Variants in KAZN observed in about 807,000 individuals in gnomAD.
KAZN encodes the protein kazrin, periplakin interacting protein.
Under a neutral mutation model 87.4 loss-of-function variants are expected in KAZN, and 40 were observed. The observed-to-expected ratio is 0.46, with a 90% CI of 0.36 to 0.60. The LOEUF is 0.60. Among genes scored for constraint, KAZN ranks in the 20% least tolerant of loss-of-function variants. The pLI is 0.00. For synonymous variants in KAZN, 466 were observed against 458.3 expected, an observed-to-expected ratio of 1.02 and a Z score of -0.22; for missense variants, 898 against 1,073.9, an observed-to-expected ratio of 0.84 and a Z score of 2.29.
At chr1:14,642,644 G>C (rs1680495119) in intron 1 of KAZN, among the ~76,000 whole-genome samples, 1 of 152,132 alleles carries the variant, frequency 6.6e-6, no homozygotes. Context: ...GATAACTATA[G>C]TTTACAATAA....
intron 2 of KAZN, among the ~76,000 whole-genome samples, chr1:14,475,397 T>A (rs17402096): frequency 0.073 from 11,039 of 152,228 alleles, 555 homozygotes; most frequent in Middle Eastern, 0.11. Flanking sequence ...AAAGGTATAA[T>A]ACCTACTGAT....
At chr1:14,931,548 T>C (rs1659825461) in intron 1 of KAZN, among the ~76,000 whole-genome samples, 1 of 152,138 alleles carries the variant, frequency 6.6e-6, no homozygotes, top group South Asian at 2.1e-4. Flanking sequence ...AAGGAGGGTC[T>C]CAGACTTCAG....
intron 1 of KAZN, among the ~76,000 whole-genome samples, chr1:13,914,532 C>T (rs1639771842): frequency 6.6e-6 from 1 of 152,178 alleles, no homozygotes; most frequent in Non-Finnish European, 1.5e-5. Context: ...GTTATACGGC[C>T]CTTATATAGC....
chr1:13,961,201 T>C (rs146268889), intron 1 of KAZN, among the ~76,000 whole-genome samples: 2 of 152,302 alleles, frequency 1.3e-5, no homozygotes, highest in East Asian at 3.9e-4. Flanking sequence ...GTGGAGTCTC[T>C]GTGTGTTGAA....
chr1:14,065,131 C>T (rs1228829028), intron 1 of KAZN, among the ~76,000 whole-genome samples: 1 of 152,178 alleles, frequency 6.6e-6, no homozygotes, highest in African/African-American at 2.4e-5. Flanking sequence ...AGACCTCTGA[C>T]AACACAACAC....
intron 2 of KAZN, among the ~76,000 whole-genome samples, chr1:14,202,625 C>A (rs1016399914): frequency 6.6e-6 from 1 of 152,132 alleles, no homozygotes; most frequent in African/African-American, 2.4e-5. Flanking sequence ...AAGATGGGAA[C>A]ATTATTATTT....
intron 2 of KAZN, among the ~76,000 whole-genome samples, chr1:14,508,282 T>C (rs12034315): frequency 0.032 from 4,875 of 152,234 alleles, 200 homozygotes; most frequent in East Asian, 0.17. Flanking sequence ...GCTCAGGTGT[T>C]CCCGAGACAG....
intron 1 of KAZN, among the ~76,000 whole-genome samples, chr1:14,051,810 A>T (rs999151387): frequency 2.0e-5 from 3 of 152,192 alleles, no homozygotes; most frequent in Non-Finnish European, 4.4e-5. Context: ...ACTTCACTCC[A>T]GCCTGGGCAA....
At chr1:14,345,013 G>A (rs1289285696) in intron 2 of KAZN, among the ~76,000 whole-genome samples, 6 of 151,720 alleles carry the variant, frequency 4.0e-5, no homozygotes, top group African/African-American at 4.8e-5. Context: ...CCGCCTCCAG[G>A]GTTCAAGCTA....
chr1:13,965,962 G>A (rs1409189507), intron 1 of KAZN, among the ~76,000 whole-genome samples: 1 of 152,120 alleles, frequency 6.6e-6, no homozygotes, highest in African/African-American at 2.4e-5. Context: ...GATTTACATG[G>A]TTATTGGAGA....
chr1:14,937,854 A>G (rs775909150), intron 1 of KAZN, among the ~76,000 whole-genome samples: 19 of 152,308 alleles, frequency 1.2e-4, no homozygotes, highest in Middle Eastern at 3.4e-3. Flanking sequence ...TTTAGAGGTG[A>G]CTTGAATCCA....
At chr1:14,031,792 G>A (rs1355532492) in intron 1 of KAZN, among the ~76,000 whole-genome samples, 2 of 152,200 alleles carry the variant, frequency 1.3e-5, no homozygotes, top group African/African-American at 4.8e-5. Flanking sequence ...ATTCGATTCA[G>A]ATGAAGAAAC....
chr1:14,393,680 TTA>T (rs1306739420), intron 2 of KAZN, among the ~76,000 whole-genome samples: 1 of 151,926 alleles, frequency 6.6e-6, no homozygotes, highest in Non-Finnish European at 1.5e-5. Flanking sequence ...TACCCCAGGA[TTA>T]TATTGCTAGC....
rs1407455390 is a variant in KAZN at position 14,166,224 on chromosome 1, A to T, written c.92-14211A>T. ...CAGCTACCCAGGAGACTGAGGCAGG[A>T]TAATTGCTGGAACCTGGGCGGCAGA... On this transcript the variant is annotated intron_variant, in intron 1 of 16. Coordinates refer to the KAZN transcript ENST00000636203. 2.6e-5 allele frequency among the ~76,000 whole-genome samples: 4 copies of T among 152,192 alleles called. No homozygotes were observed. In the East Asian group the frequency reaches 7.7e-4, roughly 29 times the overall value.
chr1:14,401,208 G>A (rs566275885), intron 2 of KAZN, among the ~76,000 whole-genome samples: 2 of 152,252 alleles, frequency 1.3e-5, no homozygotes, highest in African/African-American at 4.8e-5. Context: ...ATCAGAAATG[G>A]AGAGAATATT....
At chr1:15,109,937 G>GTTTGTGTGTT (rs1553191660) in intron 13 of KAZN, among the ~76,000 whole-genome samples, 103,715 of 140,424 alleles carry the variant, frequency 0.74, 35,599 homozygotes, top group Admixed American at 0.77. Context: ...GTGTGTGTGT[G>GTTTGTGTGTT]TGTGTTTGTG....
intron 2 of KAZN, among the ~76,000 whole-genome samples, chr1:14,357,642 A>C (rs1236021028): frequency 1.3e-5 from 2 of 152,324 alleles, no homozygotes; most frequent in Non-Finnish European, 2.9e-5. Flanking sequence ...AGCGGTGTTG[A>C]ATTTTATCAA....
intron 2 of KAZN, among the ~76,000 whole-genome samples, chr1:14,980,089 A>G (rs1464652780): frequency 6.6e-6 from 1 of 152,032 alleles, no homozygotes; most frequent in East Asian, 1.9e-4. Context: ...GGGTTTCACC[A>G]TATTGGTCTG....
chr1:14,599,853 A>C lies in KAZN; in HGVS notation c.226+630A>C, dbSNP rs1676814604. 6.6e-6 allele frequency among the ~76,000 whole-genome samples: 1 copy of C among 151,800 alleles called. No individual in the cohort carries two copies. The highest frequency in any genetic ancestry group is 6.6e-5 in the Admixed American group (1 of 15,236). On this transcript the variant is annotated intron_variant, in intron 1 of 14. Coordinates refer to ENST00000376030, the MANE Select transcript of KAZN (RefSeq NM_201628.3). The surrounding 1 kb of genome is among the most constrained non-coding windows in gnomAD (Gnocchi z 4.4). ...AACACCGAGAGCACTTTCCAGGGGG[A>C]TACTGTAGACCTCAAAGGTTGAGCG... is the stretch of plus-strand genomic sequence containing the variant.
Sources: gnomAD v4.1 joint callset for allele counts (sites outside exome capture counted in the v4.1 genomes callset) on GRCh38, gnomAD v4.1.1 for gene constraint, Gnocchi (gnomAD v3.1) non-coding constraint, MANE v1.5 for transcripts, NCBI Gene and HGNC (gene_info 2026-07-23, HGNC 2026-07-21) for gene names.